The following TXNIP variants were observed in gnomAD, a reference collection of about 807,000 sequenced individuals.
TXNIP encodes thioredoxin interacting protein, also known as thioredoxin-interacting protein.
TXNIP carries 23 observed loss-of-function variants against 43.9 expected under a neutral mutation model. The observed-to-expected ratio is 0.52, with a 90% CI of 0.38 to 0.74. The LOEUF is 0.74. Ranked by LOEUF, TXNIP falls within the 30% of genes least tolerant of loss-of-function variation. The pLI is 0.00. For synonymous variants in TXNIP, 234 were observed against 172.2 expected (o/e 1.36, Z -2.81); for missense variants, 555 against 485.4 (o/e 1.14, Z -1.35).
intron 1 of TXNIP, 166 bp from the exon 2 acceptor site, chr1:145,995,642 T>C (rs1480879744): frequency 7.1e-6 from 5 of 708,954 alleles, no homozygotes; most frequent in Non-Finnish European, 1.2e-5. Flanking sequence ...AGAGAAATTC[T>C]GATGTATTTT....
In TXNIP at chr1:145,993,783, A is replaced by C. The variant is rs191199120; in HGVS notation, c.*68T>G. 50 of 1,584,700 alleles carry C rather than the reference A, an allele frequency of 3.2e-5. No homozygotes were observed. The Admixed American group carries it at 6.3e-4, about 20-fold the overall frequency. On this transcript the variant is annotated 3_prime_UTR_variant, in exon 8 of 8. Coordinates refer to ENST00000582401, the MANE Select transcript of TXNIP (RefSeq NM_006472.6). ...TGCAGAGACTGTTGAGTCTCTGAAA[A>C]AGTGAGTGTCCAGGAAGAGAGACAA... is the stretch of plus-strand genomic sequence containing the variant.
Position 145,996,554 on chromosome 1 carries a change from C to T in TXNIP, c.-288G>A, listed in dbSNP as rs1160999922. ...AAAGATCCGATCTCCACAAGCACTCCTTTGGAGAAAAAGAGGGGTTAGTTT... is the reference window on the plus strand; with the variant it reads ...AAAGATCCGATCTCCACAAGCACTCTTTTGGAGAAAAAGAGGGGTTAGTTT... On this transcript the variant is annotated 5_prime_UTR_variant, in exon 1 of 8. Coordinates refer to ENST00000582401, the MANE Select transcript of TXNIP (RefSeq NM_006472.6). 3.4e-6 allele frequency: 1 copy of T among 296,874 alleles called. No homozygotes were observed. The highest frequency in any genetic ancestry group is 6.4e-6 in the Non-Finnish European group (1 of 155,542). 18.4% of individuals were successfully genotyped at this position (296,874 alleles called of 1,614,324 possible).
rs375629762 is a variant in TXNIP at position 145,996,282 on chromosome 1, G to C, written c.-16C>G. ...ACATCACCATGATGGAACTGAGTTG[G>C]TTTTAAGAGTTAGAAATGACGGTGG... On this transcript the variant is annotated 5_prime_UTR_variant, in exon 1 of 8. Coordinates refer to ENST00000582401, the MANE Select transcript of TXNIP (RefSeq NM_006472.6). The C allele has an allele frequency of 8.1e-6, 13 of 1,601,508 alleles. No homozygotes were observed. The highest frequency in any genetic ancestry group is 1.7e-4 in the Middle Eastern group (1 of 6,006).
chr1:145,996,287 A>AAGAGT lies in TXNIP; in HGVS notation c.-26_-22dup. The AAGAGT allele has an allele frequency of 6.3e-7, 1 of 1,588,686 alleles. No homozygotes were observed. On this transcript the variant is annotated 5_prime_UTR_variant, in exon 1 of 8. Transcript: ENST00000582401. ...ACCATGATGGAACTGAGTTGGTTTT[A>AAGAGT]AGAGTTAGAAATGACGGTGGAAGAA... is the stretch of plus-strand genomic sequence containing the variant.
chr1:145,994,755 C>G lies in TXNIP; in HGVS notation c.620G>C (p.Arg207Pro), dbSNP rs1201666246. 8 of 1,614,130 alleles carry G rather than the reference C, an allele frequency of 5.0e-6. No homozygotes were observed. Among genetic ancestry groups the G allele is most frequent in the Non-Finnish European group, 6.8e-6 (8 of 1,180,026 alleles). ...IHADFENTCS[R>P]IVVPKAAIVA... ...AATGGCAGCTTTGGGGACCACAATT[C>G]GGGAACATGTATTCTCAAAGTCAGC... The change falls in exon 5 of 8, where the codon CGA becomes CCA. Residue 207 changes from arginine (R) to proline (P), a missense_variant. Transcript: ENST00000582401.
At position 145,993,904 on chromosome 1, in the gene TXNIP, C is replaced by CTA; in HGVS notation, c.1141-20_1141-19dup. Reference sequence around the variant, plus strand: ...GGATCCACCTAAAGAAAGAAACAGACTATTTCAGTTCAGGTAAGAACAAAA... The same window carrying CTA: ...GGATCCACCTAAAGAAAGAAACAGACTATATTTCAGTTCAGGTAAGAACAAAA... On this transcript the variant is annotated intron_variant, in intron 7 of 7. Coordinates refer to ENST00000582401, the MANE Select transcript of TXNIP (RefSeq NM_006472.6). The CTA allele has an allele frequency of 2.5e-6, 4 of 1,614,176 alleles. No individual in the cohort carries two copies. Among genetic ancestry groups the CTA allele is most frequent in the Non-Finnish European group, 3.4e-6 (4 of 1,180,030 alleles).
intron 6 of TXNIP, 22 bp downstream of exon 6, chr1:145,994,257 GAA>G: frequency 3.7e-6 from 6 of 1,613,166 alleles, no homozygotes; most frequent in Non-Finnish European, 4.2e-6. Context: ...CAGAAACAAA[GAA>G]AAGACATTAG....
Position 145,996,565 on chromosome 1 carries a change from AAG to A in TXNIP, c.-301_-300del, listed in dbSNP as rs199838417. 724 of 275,708 alleles carry A rather than the reference AAG, an allele frequency of 2.6e-3. 6 individuals are homozygous for A. Among genetic ancestry groups the A allele is most frequent in the African/African-American group, 0.015 (676 of 44,222 alleles). 17.1% of individuals were successfully genotyped at this position (275,708 alleles called of 1,614,324 possible). A position where few individuals can be genotyped will look rare whatever the true frequency, so the allele number is the denominator to read the frequency against. ...CTCCACAAGCACTCCTTTGGAGAAA[AAG>A]AGGGGTTAGTTTCAAGCAGGAGGCG... On this transcript the variant is annotated 5_prime_UTR_variant, in exon 1 of 8. Transcript: ENST00000582401.
Position 145,995,009 on chromosome 1 carries a change from T to C in TXNIP, c.494A>G (p.Glu165Gly). The change falls in exon 4 of 8, where the codon GAA (glutamate) becomes GGA (glycine). Residue 165 changes from glutamate (E) to glycine (G), a missense_variant. Coordinates refer to ENST00000582401, the MANE Select transcript of TXNIP (RefSeq NM_006472.6). ...AATGAACATGCAGGAAACTTTCTTT[T>C]CTTTTTTAGCAGACACAGGTGCCTA... The part of the protein sequence containing the change: ...DLMAPVSAKK[E>G]KKVSCMFIPD... 6.2e-7 allele frequency: 1 copy of C among 1,614,150 alleles called. No individual in the cohort carries two copies. The highest frequency in any genetic ancestry group is 8.5e-7 in the Non-Finnish European group (1 of 1,180,020).
intron 2 of TXNIP, 42 bp from the exon 3 acceptor site, chr1:145,995,333 C>T (rs1553766316): frequency 9.3e-6 from 15 of 1,610,936 alleles, no homozygotes; most frequent in Non-Finnish European, 1.2e-5. Context: ...TCTCCAAGAA[C>T]AGTAAGTGAT....
chr1:145,994,842 G>A lies in TXNIP; in HGVS notation c.575-42C>T, dbSNP rs587670064. 2.2e-4 allele frequency: 358 copies of A among 1,613,636 alleles called. 6 individuals carry two copies. In the South Asian group the frequency reaches 3.7e-3, roughly 17 times the overall value. On this transcript the variant is annotated intron_variant, in intron 4 of 7. Coordinates refer to ENST00000582401, the MANE Select transcript of TXNIP (RefSeq NM_006472.6). Reference sequence around the variant, plus strand: ...TGAAAACTTACTGATACTCAGTATAGTTAATGACACTTCCTCTACCCCAGT... The same window carrying A: ...TGAAAACTTACTGATACTCAGTATAATTAATGACACTTCCTCTACCCCAGT...
In TXNIP at chr1:145,993,883, C is replaced by T. The variant is rs782445880; in HGVS notation, c.1144G>A (p.Asp382Asn). ...FMPPPTYTEV[D>N]PCILNNNVQ ...ACATTGTTGTTGAGGATGCAGGGAT[C>T]CACCTAAAGAAAGAAACAGACTATT... Residue 382 changes from aspartate to asparagine, a missense_variant, in exon 8 of 8, where the codon GAT becomes AAT. Physicochemically the swap from Asp to Asn is conservative, Grantham distance 23. Transcript: ENST00000582401. 32 of 1,614,118 alleles carry T rather than the reference C, an allele frequency of 2.0e-5. No individual in the cohort carries two copies. The highest frequency in any genetic ancestry group is 2.4e-5 in the Non-Finnish European group (28 of 1,180,018).
Position 145,994,697 on chromosome 1 carries a change from C to T in TXNIP, c.678G>A (p.Gln226=). ...VARHTYLANG[Q]TKVLTQKLSS... The stretch of plus-strand genomic sequence containing the variant: ...ACAACTTCTGAGTCAGCACCTTGGT[C>T]TGGCCATTGGCAAGGTAAGTGTGGC... Residue 226 remains glutamine (Q), a synonymous_variant, in exon 5 of 8, where the codon CAG becomes CAA. Transcript: ENST00000582401. 1 of 1,614,214 alleles carries T rather than the reference C, an allele frequency of 6.2e-7. No homozygotes were observed. Among genetic ancestry groups the T allele is most frequent in the South Asian group, 1.1e-5 (1 of 91,084 alleles).
At position 145,993,756 on chromosome 1, in the gene TXNIP, A is replaced by G; in HGVS notation, c.*95T>C. 1.4e-6 allele frequency: 2 copies of G among 1,426,054 alleles called. No homozygotes were observed. The highest frequency in any genetic ancestry group is 1.9e-6 in the Non-Finnish European group (2 of 1,025,696). 88.3% of individuals were successfully genotyped at this position (1,426,054 alleles called of 1,614,324 possible). A position where few individuals can be genotyped will look rare whatever the true frequency, so the allele number is the denominator to read the frequency against. Reference sequence around the variant, plus strand: ...AGAGGCTAAGGTGGACCCACACTCCATTGCAGAGACTGTTGAGTCTCTGAA... The same window carrying G: ...AGAGGCTAAGGTGGACCCACACTCCGTTGCAGAGACTGTTGAGTCTCTGAA... On this transcript the variant is annotated 3_prime_UTR_variant, in exon 8 of 8. Coordinates refer to ENST00000582401, the MANE Select transcript of TXNIP (RefSeq NM_006472.6).
In TXNIP at chr1:145,995,250, T is replaced by C. The variant is rs199525845; in HGVS notation, c.365A>G (p.Asp122Gly). 1.8e-5 allele frequency: 29 copies of C among 1,614,186 alleles called. No homozygotes were observed. The African/African-American group carries it at 3.2e-4, about 18-fold the overall frequency. The change falls in exon 3 of 8, where the codon GAC (aspartate) becomes GGC (glycine). Residue 122 changes from aspartate (D) to glycine (G), a missense_variant. Asp to Gly is a moderately conservative substitution (Grantham distance 94). Coordinates refer to ENST00000582401, the MANE Select transcript of TXNIP (RefSeq NM_006472.6). ...GTCAAGAAAAGCCTTCACCCAGTAG[T>C]CTACACACCCATATTTTCCTTTGAA... Reference protein sequence around the residue: ...TSFKGKYGCVDYWVKAFLDRP... With the variant: ...TSFKGKYGCVGYWVKAFLDRP...
At position 145,996,084 on chromosome 1, in the gene TXNIP, C is replaced by T. The variant is rs782458329; in HGVS notation, c.183G>A (p.Gln61=). 2 of 1,614,100 alleles carry T rather than the reference C, an allele frequency of 1.2e-6. No homozygotes were observed. The highest frequency in any genetic ancestry group is 2.2e-5 in the East Asian group (1 of 44,876). The part of the protein sequence containing the change: ...VAKVLWMQGS[Q]QCKQTSEYLR... ...GGTACTCCGAAGTCTGTTTGCACTG[C>T]TGGGATCCCTGCATCCAAAGCACTT... Residue 61 remains glutamine (Q), a synonymous_variant, in exon 1 of 8, where the codon CAG becomes CAA. Coordinates refer to ENST00000582401, the MANE Select transcript of TXNIP (RefSeq NM_006472.6).
intron 4 of TXNIP, 60 bp downstream of exon 4, chr1:145,994,869 C>T (rs1482121862): frequency 5.0e-6 from 8 of 1,613,646 alleles, no homozygotes; most frequent in East Asian, 2.2e-5. Context: ...TACCCCAGTC[C>T]CATGCCCTTG....
rs782695925 is a variant in TXNIP, at chr1:145,993,802, G to C, written c.*49C>G. 3.1e-6 allele frequency: 5 copies of C among 1,609,806 alleles called. No homozygotes were observed. Among genetic ancestry groups the C allele is most frequent in the Admixed American group, 1.7e-5 (1 of 59,832 alleles). On this transcript the variant is annotated 3_prime_UTR_variant, in exon 8 of 8. Coordinates refer to ENST00000582401, the MANE Select transcript of TXNIP (RefSeq NM_006472.6). Reference sequence around the variant, plus strand: ...CTGAAAAAGTGAGTGTCCAGGAAGAGAGACAAAAAGAAACAAGTAGGTAAA... The same window carrying C: ...CTGAAAAAGTGAGTGTCCAGGAAGACAGACAAAAAGAAACAAGTAGGTAAA...
rs376686137 is a variant in TXNIP at position 145,994,694 on chromosome 1, G to A, written c.681C>T (p.Thr227=). The A allele has an allele frequency of 7.2e-5, 117 of 1,614,066 alleles. No homozygotes were observed. The highest frequency in any genetic ancestry group is 1.6e-4 in the Middle Eastern group (1 of 6,084). The change falls in exon 5 of 8, where the codon ACC becomes ACT. Residue 227 remains threonine, a synonymous_variant. Transcript: ENST00000582401. ...ARHTYLANGQ[T]KVLTQKLSSV... is the part of the protein sequence containing the mutation. Reference sequence around the variant, plus strand: ...ATGACAACTTCTGAGTCAGCACCTTGGTCTGGCCATTGGCAAGGTAAGTGT... The same window carrying A: ...ATGACAACTTCTGAGTCAGCACCTTAGTCTGGCCATTGGCAAGGTAAGTGT...
Sources: gnomAD v4.1 joint callset for allele counts on GRCh38, gnomAD v4.1.1 for gene constraint, MANE v1.5 for transcripts, NCBI Gene and HGNC (gene_info 2026-07-23, HGNC 2026-07-21) for gene names.